SDK1: variants seen among roughly 807,000 people sequenced by gnomAD.
SDK1 encodes the protein protein sidekick-1.
A neutral mutation model predicts 245.5 loss-of-function variants in SDK1; 157 were observed. That is an observed-to-expected ratio of 0.64 (90% CI 0.56 to 0.73). The LOEUF (loss-of-function observed/expected upper bound fraction) is 0.73. SDK1 is among the 30% of genes least tolerant of loss of function. SDK1 has a pLI of 0.00. For synonymous variants in SDK1, 1,647 were observed against 1,278.5 expected (o/e 1.29, Z -6.15); for missense variants, 3,583 against 3,002.3 (o/e 1.19, Z -4.52).
intron 1 of SDK1, among the ~76,000 whole-genome samples, chr7:3,458,373 T>G (rs186644347): frequency 2.5e-4 from 38 of 152,298 alleles, no homozygotes; most frequent in Admixed American, 1.8e-3. Flanking sequence ...GAGCACTGTT[T>G]CCATAGAGTA....
At chr7:3,419,835 G>A (rs1411528839) in intron 1 of SDK1, among the ~76,000 whole-genome samples, 3 of 152,158 alleles carry the variant, frequency 2.0e-5, no homozygotes, top group Non-Finnish European at 4.4e-5. Context: ...ACTAAGCTTA[G>A]TATGGCCTGG....
chr7:4,151,765 C>G (rs1296472074), intron 30 of SDK1, among the ~76,000 whole-genome samples: 1 of 152,214 alleles, frequency 6.6e-6, no homozygotes, highest in East Asian at 1.9e-4. Flanking sequence ...AGACTTCTCA[C>G]TATTCCCAGT....
At chr7:4,014,067 G>A (rs1479064297) in intron 16 of SDK1, among the ~76,000 whole-genome samples, 1 of 152,234 alleles carries the variant, frequency 6.6e-6, no homozygotes, top group Non-Finnish European at 1.5e-5. Flanking sequence ...ATCCACTAAT[G>A]AGAATAATTG....
chr7:4,108,926 G>A (rs1196047956), intron 22 of SDK1, among the ~76,000 whole-genome samples: 1 of 152,206 alleles, frequency 6.6e-6, no homozygotes, highest in Non-Finnish European at 1.5e-5. Context: ...ATCGTGCGGT[G>A]CATGGACCTT....
At chr7:4,041,414 T>A (rs1276772997) in intron 17 of SDK1, among the ~76,000 whole-genome samples, 1 of 151,482 alleles carries the variant, frequency 6.6e-6, no homozygotes, top group Non-Finnish European at 1.5e-5. Flanking sequence ...CCCACCAGAG[T>A]GGTACCTTTC....
chr7:3,585,944 A>C (rs1433590098), intron 1 of SDK1, among the ~76,000 whole-genome samples: 1 of 152,236 alleles, frequency 6.6e-6, no homozygotes, highest in Non-Finnish European at 1.5e-5. Flanking sequence ...AAGGAGACAC[A>C]GTATGTGGCT....
Position 4,266,745 on chromosome 7 carries a change from C to T in SDK1, c.*1361C>T, listed in dbSNP as rs144603189. The T allele has an allele frequency of 0.012, 12,110 of 985,454 alleles. 83 individuals are homozygous for T. The highest frequency in any genetic ancestry group is 0.014 in the Non-Finnish European group (11,270 of 829,950). The allele number at this position is 985,454 out of a possible 1,614,324, so 61.0% of individuals were successfully genotyped here. On this transcript the variant is annotated 3_prime_UTR_variant, in exon 45 of 45. Coordinates refer to ENST00000404826, the MANE Select transcript of SDK1 (RefSeq NM_152744.4). Reference sequence around the variant, plus strand: ...ATGGTCCACCCCTCAGCCCGGGTCCCGGGTCTGGATGGAACGGGAGCACTG... The same window carrying T: ...ATGGTCCACCCCTCAGCCCGGGTCCTGGGTCTGGATGGAACGGGAGCACTG...
At position 4,165,878 on chromosome 7, in the gene SDK1, C is replaced by G. The variant is rs1186449850; in HGVS notation, c.4800+4022C>G. Among the ~76,000 whole-genome samples, 3 of 152,212 alleles carry G rather than the reference C, an allele frequency of 2.0e-5. No individual in the cohort carries two copies. In the East Asian group the frequency reaches 5.8e-4, roughly 29 times the overall value. On this transcript the variant is annotated intron_variant, in intron 32 of 44. Transcript: ENST00000404826. ...CATAGCTCATTGTAGCCTCCAACTC[C>G]TGGGCTCAAGCAATCCTCCCACCTC...
intron 4 of SDK1, among the ~76,000 whole-genome samples, chr7:3,689,291 C>T (rs947071141): frequency 2.0e-5 from 3 of 152,116 alleles, no homozygotes; most frequent in Non-Finnish European, 2.9e-5. Context: ...GATGTCAGCC[C>T]GAGCCATTGG....
rs534471469 is a variant in SDK1, at chr7:3,754,656, A to G, written c.714-66794A>G. 1.2e-3 allele frequency among the ~76,000 whole-genome samples: 175 copies of G among 146,774 alleles called. 1 individual carries two copies. The highest frequency in any genetic ancestry group is 4.8e-4 in the Non-Finnish European group (32 of 67,018). ...CCGGATTGCTGACTGGAGAAACAGC[A>G]TGACGTGGTTTCTAAGTAAGGGGAA... On this transcript the variant is annotated intron_variant, in intron 4 of 44. Transcript: ENST00000404826.
chr7:4,190,529 C>T (rs1411514740), intron 35 of SDK1, among the ~76,000 whole-genome samples: 24 of 152,336 alleles, frequency 1.6e-4, no homozygotes. Context: ...TTCAGACGTT[C>T]CCTTCAGGCA....
intron 1 of SDK1, among the ~76,000 whole-genome samples, chr7:3,576,198 A>G (rs755866740): frequency 5.3e-5 from 8 of 152,160 alleles, no homozygotes; most frequent in Non-Finnish European, 1.2e-4. Context: ...TAAATAATGT[A>G]GAATAATAAT....
chr7:3,448,430 T>C lies in SDK1; in HGVS notation c.298+146546T>C, dbSNP rs115772701. Among the ~76,000 whole-genome samples, 1,351 of 152,266 alleles carry C rather than the reference T, an allele frequency of 8.9e-3. 24 individuals carry two copies. Among genetic ancestry groups the C allele is most frequent in the African/African-American group, 0.031 (1,277 of 41,548 alleles). On this transcript the variant is annotated intron_variant, in intron 1 of 44. Coordinates refer to ENST00000404826, the MANE Select transcript of SDK1 (RefSeq NM_152744.4). ...GTTTGGTTATTTATTTTGGAAGTTT[T>C]CCCAGTCTATGTATTTTTGAAGTGG... is the stretch of plus-strand genomic sequence containing the variant.
chr7:4,096,836 C>G (rs1372510166), intron 22 of SDK1, among the ~76,000 whole-genome samples: 1 of 152,078 alleles, frequency 6.6e-6, no homozygotes, highest in African/African-American at 2.4e-5. Flanking sequence ...GACACTGAAA[C>G]CCCCACGGGG....
rs559065786 is a variant in SDK1, at chr7:3,938,645, C to CAAAAAAAAAAAAAA, written c.848-12276_848-12263dup. Reference sequence around the variant, plus strand: ...TGGGCGACAGAGTGAGACTCCGTCTCAAAAAAAAAAAAAAAGAGATCCTCA... The same window carrying CAAAAAAAAAAAAAA: ...TGGGCGACAGAGTGAGACTCCGTCTCAAAAAAAAAAAAAAAAAAAAAAAAAAAAAGAGATCCTCA... On this transcript the variant is annotated intron_variant, in intron 5 of 44. Coordinates refer to ENST00000404826, the MANE Select transcript of SDK1 (RefSeq NM_152744.4). 2.3e-4 allele frequency among the ~76,000 whole-genome samples: 21 copies of CAAAAAAAAAAAAAA among 90,590 alleles called. 1 individual carries two copies. The highest frequency in any genetic ancestry group is 1.0e-3 in the African/African-American group (19 of 18,638). The allele number at this position is 90,590 out of a possible 152,430, so 59.4% of individuals were successfully genotyped here. A position where few individuals can be genotyped will look rare whatever the true frequency, so the allele number is the denominator to read the frequency against.
chr7:4,145,617 A>G lies in SDK1; in HGVS notation c.4229-105A>G, dbSNP rs1484012044. 4 of 961,682 alleles carry G rather than the reference A, an allele frequency of 4.2e-6. No individual in the cohort carries two copies. In the African/African-American group the frequency reaches 5.0e-5, roughly 12 times the overall value. 59.6% of individuals were successfully genotyped at this position (961,682 alleles called of 1,614,324 possible). A position where few individuals can be genotyped will look rare whatever the true frequency, so the allele number is the denominator to read the frequency against. ...AGGCAGTGACCTCCAGAGACGGGGA[A>G]GAGACAGATGGCCTTCCAGGGGTCA... On this transcript the variant is annotated intron_variant, in intron 28 of 44. Transcript: ENST00000404826.
chr7:3,833,297 A>T (rs1297724568), intron 5 of SDK1, among the ~76,000 whole-genome samples: 1 of 152,082 alleles, frequency 6.6e-6, no homozygotes, highest in African/African-American at 2.4e-5. Context: ...TTCACTGATG[A>T]TGTATTTTGT....
At chr7:3,731,714 G>A (rs1360858899) in intron 4 of SDK1, among the ~76,000 whole-genome samples, 1 of 152,152 alleles carries the variant, frequency 6.6e-6, no homozygotes, top group Admixed American at 6.6e-5. Flanking sequence ...CAGAAGAACT[G>A]AATAAAAGGC....
chr7:3,612,589 C>T (rs1448497412), intron 1 of SDK1, among the ~76,000 whole-genome samples: 1 of 152,078 alleles, frequency 6.6e-6, no homozygotes, highest in Non-Finnish European at 1.5e-5. Flanking sequence ...TTTGTTTCTC[C>T]CTGGAATTTG....
Sources: allele counts gnomAD v4.1 joint callset (sites outside exome capture counted in the v4.1 genomes callset), GRCh38; gene constraint gnomAD v4.1.1; transcripts MANE v1.5; gene names NCBI Gene and HGNC (gene_info 2026-07-23, HGNC 2026-07-21).